Variants in NEK10 observed in about 807,000 individuals in gnomAD.
NEK10 encodes the protein NIMA related kinase 10.
A neutral mutation model predicts 159.8 loss-of-function variants in NEK10; 122 were observed. The ratio of observed to expected loss-of-function variants is 0.76; its 90% confidence interval spans 0.66 to 0.89. The LOEUF (loss-of-function observed/expected upper bound fraction) is 0.89. NEK10 is among the 40% of genes least tolerant of loss of function. The probability of loss-of-function intolerance (pLI) is 0.00; values close to 1 mark genes in which losing one functional copy is unlikely to be tolerated. For synonymous variants in NEK10, 466 were observed against 457.1 expected (o/e 1.02, Z -0.25); for missense variants, 1,342 against 1,323.1 (o/e 1.01, Z -0.22).
At chr3:27,195,445 T>A (rs1949479042) in intron 25 of NEK10, among the ~76,000 whole-genome samples, 1 of 152,256 alleles carries the variant, frequency 6.6e-6, no homozygotes, top group Non-Finnish European at 1.5e-5. Context: ...AAGTCAAATT[T>A]TCTAAAGATA....
At chr3:27,175,342 C>T (rs2148887345) in intron 26 of NEK10, among the ~76,000 whole-genome samples, 1 of 152,192 alleles carries the variant, frequency 6.6e-6, no homozygotes, top group South Asian at 2.1e-4. Flanking sequence ...CCACTTGGGA[C>T]TCTACACTAC....
intron 22 of NEK10, among the ~76,000 whole-genome samples, chr3:27,271,747 G>C (rs1260176023): frequency 6.6e-6 from 1 of 152,070 alleles, no homozygotes; most frequent in Non-Finnish European, 1.5e-5. Context: ...CATATTTGGA[G>C]AAGAAGAAAA....
intron 22 of NEK10, among the ~76,000 whole-genome samples, chr3:27,267,289 T>G (rs577609422): frequency 6.6e-6 from 1 of 152,346 alleles, no homozygotes; most frequent in Admixed American, 6.5e-5. Context: ...TCTTAAAATT[T>G]GCTCCTTCTT....
intron 26 of NEK10, among the ~76,000 whole-genome samples, chr3:27,189,284 A>G (rs1445928484): frequency 1.3e-5 from 2 of 152,130 alleles, no homozygotes; most frequent in Non-Finnish European, 2.9e-5. Flanking sequence ...AATTGCCATA[A>G]TTAAGAATAG....
intron 30 of NEK10, among the ~76,000 whole-genome samples, chr3:27,145,313 C>T (rs1047328598): frequency 1.3e-5 from 2 of 152,112 alleles, no homozygotes; most frequent in African/African-American, 4.8e-5. Context: ...AAAATATATA[C>T]ACAATATTTG....
chr3:27,298,862 T>C (rs111828210), intron 13 of NEK10, among the ~76,000 whole-genome samples: 2 of 152,138 alleles, frequency 1.3e-5, no homozygotes, highest in South Asian at 2.1e-4. Context: ...AGAGAAATGA[T>C]TTAGGGTACC....
intron 29 of NEK10, among the ~76,000 whole-genome samples, chr3:27,171,044 C>T (rs1314280646): frequency 3.3e-5 from 5 of 152,182 alleles, no homozygotes; most frequent in African/African-American, 1.2e-4. Flanking sequence ...TCTCCCAGCT[C>T]ATTTCTCAAC....
intron 30 of NEK10, among the ~76,000 whole-genome samples, chr3:27,150,402 G>A (rs559856294): frequency 9.9e-5 from 15 of 152,252 alleles, no homozygotes; most frequent in East Asian, 1.9e-4. Flanking sequence ...AGGAGCTAAC[G>A]CAACAGGTAA....
At chr3:27,312,282 C>T in intron 7 of NEK10, 105 bp from the exon 8 acceptor site, 1 of 575,212 alleles carries the variant, frequency 1.7e-6, no homozygotes, top group Non-Finnish European at 3.0e-6. Context: ...GGTGGCAAAA[C>T]AGATTCATCA....
rs145966310 is a variant in NEK10, at chr3:27,244,077, C to G, written c.2090+12219G>C. ...AGTAACTGTCAGGCTGAGAGATACC[C>G]TGTGGCTTTACAATGCCAAGAGGAA... is the stretch of plus-strand genomic sequence containing the variant. On this transcript the variant is annotated intron_variant, in intron 23 of 35. Coordinates refer to ENST00000691995, the MANE Select transcript of NEK10 (RefSeq NM_001394966.1). Among the ~76,000 whole-genome samples the G allele has an allele frequency of 7.9e-5, 12 of 152,314 alleles. No individual in the cohort carries two copies. The East Asian group carries it at 2.1e-3, about 27-fold the overall frequency.
At chr3:27,359,707 A>C (rs981944797) in intron 1 of NEK10, among the ~76,000 whole-genome samples, 2 of 152,210 alleles carry the variant, frequency 1.3e-5, no homozygotes, top group Non-Finnish European at 2.9e-5. Flanking sequence ...TGGTGATGAC[A>C]AATGTCAACA....
intron 22 of NEK10, among the ~76,000 whole-genome samples, chr3:27,268,608 G>T (rs914597726): frequency 6.6e-6 from 1 of 152,144 alleles, no homozygotes; most frequent in Non-Finnish European, 1.5e-5. Flanking sequence ...CCATTGTTAA[G>T]AACTACTGCT....
chr3:27,139,493 T>G (rs1943563658), intron 31 of NEK10, among the ~76,000 whole-genome samples: 1 of 152,084 alleles, frequency 6.6e-6, no homozygotes, highest in African/African-American at 2.4e-5. Context: ...AATTGCAAGA[T>G]TTTGCTATTA....
intron 16 of NEK10, among the ~76,000 whole-genome samples, chr3:27,292,573 C>T (rs1486569797): frequency 6.6e-6 from 1 of 152,072 alleles, no homozygotes; most frequent in Non-Finnish European, 1.5e-5. Flanking sequence ...GTGGCTCACG[C>T]CTGTAATCCC....
chr3:27,146,092 TA>T (rs1165677370), intron 30 of NEK10, among the ~76,000 whole-genome samples: 1 of 152,314 alleles, frequency 6.6e-6, no homozygotes, highest in Non-Finnish European at 1.5e-5. Flanking sequence ...TTTAATTAAT[TA>T]TTTTTGGAAA....
chr3:27,346,202 G>C lies in NEK10; in HGVS notation c.147C>G (p.Asn49Lys). The change falls in exon 4 of 36, where the codon AAC (asparagine) becomes AAG (lysine). Residue 49 changes from asparagine (N) to lysine (K), a missense_variant. Coordinates refer to ENST00000691995, the MANE Select transcript of NEK10 (RefSeq NM_001394966.1). Reference protein sequence around the residue: ...QSSKQQLPAINFDSAQNSMTK... With the variant: ...QSSKQQLPAIKFDSAQNSMTK... ...TCATGCTATTTTGGGCACTATCGAA[G>C]TTAATGGCTGGAAGCTACAGAAATA... 1 of 1,613,740 alleles carries C rather than the reference G, an allele frequency of 6.2e-7. No individual in the cohort carries two copies. Among genetic ancestry groups the C allele is most frequent in the Non-Finnish European group, 8.5e-7 (1 of 1,179,700 alleles).
At chr3:27,259,229 T>A (rs1210448374) in intron 22 of NEK10, among the ~76,000 whole-genome samples, 1 of 152,186 alleles carries the variant, frequency 6.6e-6, no homozygotes, top group African/African-American at 2.4e-5. Context: ...TTAATTAGAT[T>A]TCACTTGTCA....
At chr3:27,216,162 T>A (rs1951506244) in intron 23 of NEK10, among the ~76,000 whole-genome samples, 1 of 152,150 alleles carries the variant, frequency 6.6e-6, no homozygotes, top group Admixed American at 6.5e-5. Context: ...CTAACCAGCT[T>A]TGTGAATGGG....
intron 29 of NEK10, among the ~76,000 whole-genome samples, chr3:27,171,237 T>A (rs1168357937): frequency 1.3e-5 from 2 of 152,180 alleles, no homozygotes; most frequent in African/African-American, 2.4e-5. Flanking sequence ...AAAATAACAA[T>A]TTTGCTTTGC....
Sources: gnomAD v4.1 joint callset for allele counts (sites outside exome capture counted in the v4.1 genomes callset) on GRCh38, gnomAD v4.1.1 for gene constraint, MANE v1.5 for transcripts, NCBI Gene and HGNC (gene_info 2026-07-23, HGNC 2026-07-21) for gene names.